The following TMPRSS15 variants were observed in gnomAD, a reference collection of about 807,000 sequenced individuals.
TMPRSS15 encodes the protein enteropeptidase.
TMPRSS15 carries 128 observed loss-of-function variants against 125.3 expected under a neutral mutation model. That is an observed-to-expected ratio of 1.02 (90% confidence interval 0.89 to 1.18). TMPRSS15 has a LOEUF of 1.18. Among genes scored for constraint, TMPRSS15 ranks in the 50% most tolerant of loss-of-function variants. TMPRSS15 has a pLI of 0.00. For synonymous variants in TMPRSS15, 446 were observed against 423.2 expected (o/e 1.05, Z -0.66); for missense variants, 1,283 against 1,212.7 (o/e 1.06, Z -0.86).
intron 10 of TMPRSS15, among the ~76,000 whole-genome samples, chr21:18,350,919 A>G (rs1402897601): frequency 1.3e-5 from 2 of 152,070 alleles, no homozygotes. Context: ...AAAATAATAC[A>G]TTTGAAGGGG....
At chr21:18,451,916 T>C (rs1050711283) in intron 1 of TMPRSS15, among the ~76,000 whole-genome samples, 2 of 152,164 alleles carry the variant, frequency 1.3e-5, no homozygotes, top group African/African-American at 4.8e-5. Flanking sequence ...ATTTTATGCA[T>C]GCATAATTTT....
chr21:18,280,895 C>T (rs2074689900), intron 22 of TMPRSS15, 145 bp downstream of exon 22: 1 of 877,074 alleles, frequency 1.1e-6, no homozygotes, highest in Non-Finnish European at 1.8e-6. Flanking sequence ...TCTCTCTACT[C>T]CCTAATCCCA....
Position 18,365,649 on chromosome 21 carries a change from C to CCCTTCCTCCCTT in TMPRSS15, c.665-402_665-401insAAGGGAGGAAGG, listed in dbSNP as rs1215517857. On this transcript the variant is annotated intron_variant, in intron 6 of 24. Transcript: ENST00000284885. ...CTTTCTCTTTCTCTCTCTTTTTCCT[C>CCCTTCCTCCCTT]CCTTCCTTCCTTCCTTCCTTCCTTC... 1.6e-3 allele frequency among the ~76,000 whole-genome samples: 105 copies of CCCTTCCTCCCTT among 65,860 alleles called. 2 individuals are homozygous for CCCTTCCTCCCTT. The highest frequency in any genetic ancestry group is 2.0e-3 in the Non-Finnish European group (72 of 36,210). 43.2% of individuals were successfully genotyped at this position (65,860 alleles called of 152,430 possible).
intron 1 of TMPRSS15, among the ~76,000 whole-genome samples, chr21:18,441,439 T>C (rs2123233972): frequency 6.6e-6 from 1 of 151,228 alleles, no homozygotes; most frequent in African/African-American, 2.4e-5. Flanking sequence ...ACCCCATCTC[T>C]ACTAAAAATA....
chr21:18,452,771 T>TTTAC (rs1978366495), intron 1 of TMPRSS15, among the ~76,000 whole-genome samples: 1 of 123,078 alleles, frequency 8.1e-6, no homozygotes, highest in African/African-American at 2.9e-5. Context: ...AAATCATTTA[T>TTTAC]TTAACAGCTT....
intron 1 of TMPRSS15, among the ~76,000 whole-genome samples, chr21:18,473,167 CTGGGATGGA>C (rs943670751): frequency 6.6e-6 from 1 of 151,998 alleles, no homozygotes; most frequent in African/African-American, 2.4e-5. Context: ...GCTCTTTATG[CTGGGATGGA>C]TTTTTCAAAG....
intron 15 of TMPRSS15, 54 bp downstream of exon 15, chr21:18,329,115 C>G (rs1248615566): frequency 6.2e-7 from 1 of 1,601,160 alleles, no homozygotes; most frequent in East Asian, 2.2e-5. Flanking sequence ...CTCTTTCCAT[C>G]AGCACAACAT....
At chr21:18,421,144 C>G (rs1414878010) in intron 1 of TMPRSS15, among the ~76,000 whole-genome samples, 2 of 152,098 alleles carry the variant, frequency 1.3e-5, no homozygotes, top group Non-Finnish European at 2.9e-5. Flanking sequence ...TATCATAGCA[C>G]TAATATAGGA....
chr21:18,406,106 G>T (rs1050331266), upstream of TMPRSS15, among the ~76,000 whole-genome samples: 12 of 152,222 alleles, frequency 7.9e-5, no homozygotes, highest in African/African-American at 2.9e-4. Context: ...CATGAGAAGG[G>T]CTGGGAAGTG....
chr21:18,422,060 T>C (rs572432042), intron 1 of TMPRSS15, among the ~76,000 whole-genome samples: 3 of 151,158 alleles, frequency 2.0e-5, no homozygotes, highest in South Asian at 2.1e-4. Flanking sequence ...CTAGGCTCAC[T>C]GCAACCTCTG....
intron 7 of TMPRSS15, among the ~76,000 whole-genome samples, chr21:18,363,773 C>T (rs2075699644): frequency 6.6e-6 from 1 of 152,070 alleles, no homozygotes. Flanking sequence ...TAAACACATA[C>T]AAATGTAGGT....
chr21:18,386,241 A>C (rs2075942746), intron 3 of TMPRSS15, among the ~76,000 whole-genome samples: 1 of 152,230 alleles, frequency 6.6e-6, no homozygotes, highest in Non-Finnish European at 1.5e-5. Context: ...TAATGTAGGT[A>C]ACTTTGCCTA....
intron 8 of TMPRSS15, among the ~76,000 whole-genome samples, chr21:18,357,436 C>T (rs1002812513): frequency 1.1e-4 from 17 of 151,734 alleles, no homozygotes; most frequent in Non-Finnish European, 2.4e-4. Context: ...ATGCTGATTT[C>T]CCCCTAATCA....
At chr21:18,467,841 T>G (rs764738667) in intron 1 of TMPRSS15, among the ~76,000 whole-genome samples, 4 of 151,996 alleles carry the variant, frequency 2.6e-5, no homozygotes, top group African/African-American at 4.8e-5. Context: ...AAGAAGTTAG[T>G]GGAGTGAAAA....
At position 18,332,181 on chromosome 21, in the gene TMPRSS15, G is replaced by A. The variant is rs1316054145; in HGVS notation, c.1565-8C>T. The A allele has an allele frequency of 1.2e-6, 2 of 1,609,044 alleles. No individual in the cohort carries two copies. Among genetic ancestry groups the A allele is most frequent in the South Asian group, 1.1e-5 (1 of 90,964 alleles). On this transcript the variant is annotated splice_region_variant and splice_polypyrimidine_tract_variant and intron_variant, in intron 13 of 24. Coordinates refer to ENST00000284885, the MANE Select transcript of TMPRSS15 (RefSeq NM_002772.3). ...AAGGTCCTCCACAGTCCGCTGAAAAGGAAAGCAATGGGAAATCATCAGTAA... is the reference window on the plus strand; with the variant it reads ...AAGGTCCTCCACAGTCCGCTGAAAAAGAAAGCAATGGGAAATCATCAGTAA...
intron 1 of TMPRSS15, among the ~76,000 whole-genome samples, chr21:18,431,209 C>T (rs917810586): frequency 6.6e-6 from 1 of 152,146 alleles, no homozygotes; most frequent in East Asian, 1.9e-4. Context: ...CTACAAATGT[C>T]TTAAGAACCA....
intron 1 of TMPRSS15, among the ~76,000 whole-genome samples, chr21:18,435,256 T>C (rs1013243613): frequency 6.6e-6 from 1 of 152,184 alleles, no homozygotes; most frequent in Non-Finnish European, 1.5e-5. Context: ...AGTATGATAT[T>C]GGCTGTGGGT....
chr21:18,318,190 C>T (rs4143364), intron 16 of TMPRSS15, among the ~76,000 whole-genome samples: 34,965 of 151,980 alleles, frequency 0.23, 4,288 homozygotes, highest in Non-Finnish European at 0.26. Context: ...CAGGGAAGCC[C>T]GGCTCTAGCA....
chr21:18,454,818 C>G (rs960132542), intron 1 of TMPRSS15, among the ~76,000 whole-genome samples: 1 of 152,168 alleles, frequency 6.6e-6, no homozygotes, highest in Admixed American at 6.6e-5. Flanking sequence ...AAAAGCTAAT[C>G]TATTCCAGAA....
Sources: allele counts gnomAD v4.1 joint callset (sites outside exome capture counted in the v4.1 genomes callset), GRCh38; gene constraint gnomAD v4.1.1; transcripts MANE v1.5; gene names NCBI Gene and HGNC (gene_info 2026-07-23, HGNC 2026-07-21).